Variants in IGF1R observed in about 807,000 individuals in gnomAD.
IGF1R encodes the protein insulin like growth factor 1 receptor.
Under a neutral mutation model 144.6 loss-of-function variants are expected in IGF1R, and 44 were observed. That is an observed-to-expected ratio of 0.30 (90% CI 0.24 to 0.39). IGF1R has a LOEUF of 0.39. Among genes scored for constraint, IGF1R ranks in the 10% least tolerant of loss-of-function variants. The pLI is 1.00. For synonymous variants in IGF1R, 795 were observed against 722.8 expected, an observed-to-expected ratio of 1.10 and a Z score of -1.60; for missense variants, 1,355 against 1,833.7, an observed-to-expected ratio of 0.74 and a Z score of 4.77.
At chr15:98,836,434 C>T (rs2057103327) in intron 2 of IGF1R, among the ~76,000 whole-genome samples, 1 of 150,822 alleles carries the variant, frequency 6.6e-6, no homozygotes, top group African/African-American at 2.4e-5. Flanking sequence ...GTGGGAGGAT[C>T]GCATGAGCCA....
At position 98,753,179 on chromosome 15, in the gene IGF1R, C is replaced by A. The variant is rs546464059; in HGVS notation, c.640+45072C>A. 2.7e-4 allele frequency among the ~76,000 whole-genome samples: 41 copies of A among 151,770 alleles called. No homozygotes were observed. In the South Asian group the frequency reaches 6.0e-3, roughly 22 times the overall value. ...GATCTCCTGACCTCGTGATCACCTG[C>A]CTCGGCCTCCCAAAGTGCTGGGATT... On this transcript the variant is annotated intron_variant, in intron 2 of 20. Coordinates refer to ENST00000650285, the MANE Select transcript of IGF1R (RefSeq NM_000875.5).
chr15:98,882,567 G>A (rs980912956), intron 2 of IGF1R, among the ~76,000 whole-genome samples: 1 of 152,226 alleles, frequency 6.6e-6, no homozygotes, highest in Non-Finnish European at 1.5e-5. Context: ...CCAGGTGGAT[G>A]TCATGGCCCT....
At chr15:98,812,436 A>T (rs1411126863) in intron 2 of IGF1R, among the ~76,000 whole-genome samples, 11 of 151,482 alleles carry the variant, frequency 7.3e-5, no homozygotes, top group African/African-American at 2.2e-4. Flanking sequence ...AGTTCACTGC[A>T]ATCTCCGCCT....
chr15:98,831,002 G>C (rs1380241066), intron 2 of IGF1R, among the ~76,000 whole-genome samples: 1 of 152,068 alleles, frequency 6.6e-6, no homozygotes, highest in African/African-American at 2.4e-5. Context: ...AAAGAGAGAC[G>C]CCAGATCTCC....
At chr15:98,887,846 G>T (rs144090348) in intron 2 of IGF1R, among the ~76,000 whole-genome samples, 1 of 152,284 alleles carries the variant, frequency 6.6e-6, no homozygotes, top group African/African-American at 2.4e-5. Flanking sequence ...CATGTCCCTT[G>T]CACTGCGGCC....
At chr15:98,778,783 G>C (rs2055782627) in intron 2 of IGF1R, among the ~76,000 whole-genome samples, 1 of 152,226 alleles carries the variant, frequency 6.6e-6, no homozygotes, top group Non-Finnish European at 1.5e-5. Context: ...TGAAGTGAGA[G>C]TGGGTGGATC....
At chr15:98,728,439 TC>T in intron 2 of IGF1R, among the ~76,000 whole-genome samples, 1 of 152,324 alleles carries the variant, frequency 6.6e-6, no homozygotes, top group Middle Eastern at 3.4e-3. Flanking sequence ...GTGGCCCTCT[TC>T]ACATCACCTC....
intron 7 of IGF1R, among the ~76,000 whole-genome samples, chr15:98,911,995 T>C (rs960213754): frequency 2.6e-5 from 4 of 152,214 alleles, no homozygotes; most frequent in Non-Finnish European, 5.9e-5. Context: ...TTGTGACTTC[T>C]CCTAGACTCT....
At chr15:98,677,525 G>A (rs921620169) in intron 1 of IGF1R, among the ~76,000 whole-genome samples, 4 of 152,170 alleles carry the variant, frequency 2.6e-5, no homozygotes, top group Non-Finnish European at 4.4e-5. Flanking sequence ...GGAGTAGGCC[G>A]ACAGGGGCTG....
chr15:98,669,998 C>G (rs1372120312), intron 1 of IGF1R, among the ~76,000 whole-genome samples: 1 of 152,034 alleles, frequency 6.6e-6, no homozygotes, highest in Non-Finnish European at 1.5e-5. Context: ...GATCGGGGCC[C>G]CAGGGATGCT....
At chr15:98,650,172 C>T (rs1355438524) in intron 1 of IGF1R, among the ~76,000 whole-genome samples, 1 of 152,114 alleles carries the variant, frequency 6.6e-6, no homozygotes, top group South Asian at 2.1e-4. Context: ...CCGCCCGGCC[C>T]GCGGGGTGCG....
At position 98,957,420 on chromosome 15, in the gene IGF1R, T is replaced by G. The variant is rs754763188; in HGVS notation, c.4082T>G (p.Leu1361Arg). ...GGRKNERALP[L>R]PQSSTC is the part of the protein sequence containing the mutation. ...CGCAAGAACGAGCGGGCCTTGCCGCTGCCCCAGTCTTCGACCTGCTGATCC... is the reference window on the plus strand; with the variant it reads ...CGCAAGAACGAGCGGGCCTTGCCGCGGCCCCAGTCTTCGACCTGCTGATCC... The change falls in exon 21 of 21, where the codon CTG (leucine) becomes CGG (arginine). Residue 1361 changes from leucine to arginine, a missense_variant. Physicochemically the swap from Leu to Arg is moderately radical, Grantham distance 102. Coordinates refer to ENST00000650285, the MANE Select transcript of IGF1R (RefSeq NM_000875.5). 4.0e-5 allele frequency: 64 copies of G among 1,613,134 alleles called. No individual in the cohort carries two copies. Among genetic ancestry groups the G allele is most frequent in the Non-Finnish European group, 5.1e-5 (60 of 1,180,030 alleles).
chr15:98,906,244 G>A (rs906549880), intron 5 of IGF1R, among the ~76,000 whole-genome samples: 5 of 152,210 alleles, frequency 3.3e-5, no homozygotes, highest in African/African-American at 1.2e-4. Flanking sequence ...TTTTGGTGTG[G>A]TTCCGTTCCC....
intron 2 of IGF1R, among the ~76,000 whole-genome samples, chr15:98,767,346 G>T (rs1264465927): frequency 6.6e-6 from 1 of 152,226 alleles, no homozygotes; most frequent in Non-Finnish European, 1.5e-5. Flanking sequence ...TTTGGATTCA[G>T]GGAGCACTGA....
chr15:98,921,067 T>A (rs774421479), intron 10 of IGF1R, among the ~76,000 whole-genome samples: 8 of 152,204 alleles, frequency 5.3e-5, no homozygotes, highest in Non-Finnish European at 8.8e-5. Context: ...CTCATTTCCC[T>A]GGGCAGATAG....
chr15:98,859,346 C>A (rs755025315), intron 2 of IGF1R, among the ~76,000 whole-genome samples: 1 of 152,192 alleles, frequency 6.6e-6, no homozygotes, highest in Non-Finnish European at 1.5e-5. Context: ...TCACACACTT[C>A]GCAGGTGGTA....
chr15:98,912,658 A>C (rs1458335842), intron 7 of IGF1R, among the ~76,000 whole-genome samples: 2 of 152,240 alleles, frequency 1.3e-5, no homozygotes, highest in Non-Finnish European at 2.9e-5. Flanking sequence ...TGTCTGTAGG[A>C]AAGTCATTTT....
At chr15:98,690,652 A>T (rs539714840) in intron 1 of IGF1R, among the ~76,000 whole-genome samples, 1 of 152,362 alleles carries the variant, frequency 6.6e-6, no homozygotes, top group African/African-American at 2.4e-5. Context: ...GGAAATTAGA[A>T]CAATACACAG....
intron 2 of IGF1R, among the ~76,000 whole-genome samples, chr15:98,770,108 G>A (rs150753149): frequency 1.0e-3 from 153 of 152,242 alleles, no homozygotes; most frequent in African/African-American, 3.4e-3. Context: ...GCTCTCTGAC[G>A]GGGATCTAAA....
Sources: gnomAD v4.1 joint callset for allele counts (sites outside exome capture counted in the v4.1 genomes callset) on GRCh38, gnomAD v4.1.1 for gene constraint, MANE v1.5 for transcripts, NCBI Gene and HGNC (gene_info 2026-07-23, HGNC 2026-07-21) for gene names.